Variants in CDYL2 observed in about 807,000 individuals in gnomAD.
The protein encoded by CDYL2 is chromodomain Y-like protein 2.
In CDYL2, 23 loss-of-function variants were observed where a neutral mutation model predicts 49.4. That is an observed-to-expected ratio of 0.47 (90% CI 0.34 to 0.66). The LOEUF is 0.66. CDYL2 is among the 30% of genes least tolerant of loss of function. The pLI is 0.01. For missense variants in CDYL2, 678 were observed against 656.4 expected, an observed-to-expected ratio of 1.03 and a Z score of -0.36; for synonymous variants, 360 against 268.8, an observed-to-expected ratio of 1.34 and a Z score of -3.32.
rs1354028759 is a variant in CDYL2 at position 80,602,969 on chromosome 16, A to T, written c.*1419T>A. 1.3e-5 allele frequency: 2 copies of T among 152,196 alleles called. No individual in the cohort carries two copies. Among genetic ancestry groups the T allele is most frequent in the East Asian group, 3.9e-4 (2 of 5,192 alleles). 9.4% of individuals were successfully genotyped at this position (152,196 alleles called of 1,614,324 possible). On this transcript the variant is annotated 3_prime_UTR_variant, in exon 7 of 7. Coordinates refer to ENST00000570137, the MANE Select transcript of CDYL2 (RefSeq NM_152342.4). The stretch of plus-strand genomic sequence containing the variant: ...CCCCAATCCCTCCTTCTCTGTAGTT[A>T]ATCCAGGGACTTGAATCTGATGGTC...
intron 4 of CDYL2, among the ~76,000 whole-genome samples, chr16:80,618,188 C>T (rs77393685): frequency 1.3e-5 from 2 of 152,218 alleles, no homozygotes; most frequent in South Asian, 2.1e-4. Context: ...CTCACTTGCC[C>T]GCTGAGATGG....
At chr16:80,640,628 A>G (rs1445489663) in intron 2 of CDYL2, among the ~76,000 whole-genome samples, 6 of 152,206 alleles carry the variant, frequency 3.9e-5, no homozygotes, top group Non-Finnish European at 5.9e-5. Flanking sequence ...CCCTGGAGCA[A>G]GGGAGATATG....
chr16:80,784,548 G>A (rs1331461387), intron 1 of CDYL2, among the ~76,000 whole-genome samples: 1 of 152,078 alleles, frequency 6.6e-6, no homozygotes, highest in Non-Finnish European at 1.5e-5. Context: ...AAACCAGAAG[G>A]GGAAATGGTT....
intron 1 of CDYL2, among the ~76,000 whole-genome samples, chr16:80,686,657 T>G (rs1374251025): frequency 6.6e-6 from 1 of 152,254 alleles, no homozygotes; most frequent in Non-Finnish European, 1.5e-5. Context: ...ATTTTAATCC[T>G]AAAAAGTGAA....
intron 1 of CDYL2, among the ~76,000 whole-genome samples, chr16:80,725,750 C>T (rs766372458): frequency 6.6e-6 from 1 of 152,244 alleles, no homozygotes; most frequent in Non-Finnish European, 1.5e-5. Flanking sequence ...CAGCCAACCA[C>T]AGTGTGAGTA....
chr16:80,784,857 A>G (rs1227952279), intron 1 of CDYL2, among the ~76,000 whole-genome samples: 4 of 152,206 alleles, frequency 2.6e-5, no homozygotes, highest in Non-Finnish European at 2.9e-5. Context: ...TCTGGGGGTC[A>G]GGGAGGCATC....
chr16:80,772,015 A>C (rs1208215378), intron 1 of CDYL2, among the ~76,000 whole-genome samples: 3 of 152,170 alleles, frequency 2.0e-5, no homozygotes, highest in Non-Finnish European at 2.9e-5. Flanking sequence ...CCCTAAACTG[A>C]TGGAAAATAT....
intron 2 of CDYL2, among the ~76,000 whole-genome samples, chr16:80,647,169 A>G (rs189775409): frequency 1.3e-5 from 2 of 152,320 alleles, no homozygotes; most frequent in East Asian, 3.9e-4. Context: ...AAATATCTCT[A>G]CAATAAAAAC....
chr16:80,643,139 A>G (rs548578429), intron 2 of CDYL2, among the ~76,000 whole-genome samples: 2 of 152,302 alleles, frequency 1.3e-5, no homozygotes, highest in East Asian at 3.9e-4. Context: ...GCTATTCCAA[A>G]TGGGAGAAAT....
At position 80,655,582 on chromosome 16, in the gene CDYL2, G is replaced by A. The variant is rs554387979; in HGVS notation, c.617-22346C>T. 2.6e-5 allele frequency among the ~76,000 whole-genome samples: 4 copies of A among 152,244 alleles called. 1 individual carries two copies. Among genetic ancestry groups the A allele is most frequent in the African/African-American group, 9.6e-5 (4 of 41,540 alleles). Reference sequence around the variant, plus strand: ...AGGGTGGAGAAGCACCCGAAGAGACGAGGGCCCTGAGGCCATCTTACCAAA... The same window carrying A: ...AGGGTGGAGAAGCACCCGAAGAGACAAGGGCCCTGAGGCCATCTTACCAAA... On this transcript the variant is annotated intron_variant, in intron 2 of 6. Transcript: ENST00000570137.
chr16:80,725,167 A>AACACAT (rs112801144), intron 1 of CDYL2, among the ~76,000 whole-genome samples: 10,713 of 151,256 alleles, frequency 0.071, 441 homozygotes, highest in African/African-American at 0.11. Context: ...ACACCTGTGC[A>AACACAT]ACACATACAC....
chr16:80,654,882 T>A (rs1908738733), intron 2 of CDYL2, among the ~76,000 whole-genome samples: 1 of 152,142 alleles, frequency 6.6e-6, no homozygotes, highest in South Asian at 2.1e-4. Flanking sequence ...TAAACACGAG[T>A]GTCTAATTAC....
At chr16:80,765,313 C>T (rs992570606) in intron 1 of CDYL2, among the ~76,000 whole-genome samples, 5 of 151,390 alleles carry the variant, frequency 3.3e-5, no homozygotes, top group Non-Finnish European at 7.4e-5. Context: ...TGACAGAACA[C>T]CTGTAAGTTT....
In CDYL2 at chr16:80,612,414, T is replaced by A. The variant is rs116606365; in HGVS notation, c.1218+212A>T. Among the ~76,000 whole-genome samples the A allele has an allele frequency of 0.021, 3,220 of 152,242 alleles. 109 individuals are homozygous for A. Among genetic ancestry groups the A allele is most frequent in the African/African-American group, 0.073 (3,013 of 41,530 alleles). ...GGAGTGAGGAATAATTGAGACGCCATGCAGAGTGCATGGTCCATACACTGA... is the reference window on the plus strand; with the variant it reads ...GGAGTGAGGAATAATTGAGACGCCAAGCAGAGTGCATGGTCCATACACTGA... On this transcript the variant is annotated intron_variant, in intron 5 of 6. Transcript: ENST00000570137. This position sits in a 1 kb window ranked among gnomAD's most constrained non-coding sequence, Gnocchi z 5.0.
intron 1 of CDYL2, among the ~76,000 whole-genome samples, chr16:80,724,330 G>A (rs1275299980): frequency 6.6e-6 from 1 of 151,878 alleles, no homozygotes; most frequent in African/African-American, 2.4e-5. Flanking sequence ...AAGAGGAAGA[G>A]GAGGAGGAGG....
intron 1 of CDYL2, among the ~76,000 whole-genome samples, chr16:80,782,043 G>T (rs1401988656): frequency 4.0e-5 from 6 of 151,444 alleles, no homozygotes; most frequent in African/African-American, 1.2e-4. Context: ...AAATAATAAA[G>T]ATTAGCATAA....
At chr16:80,742,346 G>C (rs1905767348) in intron 1 of CDYL2, 1 of 152,218 alleles carries the variant, frequency 6.6e-6, no homozygotes, top group Admixed American at 6.5e-5. Flanking sequence ...ATGGATGGAT[G>C]GACTGACAAA....
At chr16:80,624,303 G>C (rs1020166401) in intron 3 of CDYL2, among the ~76,000 whole-genome samples, 1 of 152,110 alleles carries the variant, frequency 6.6e-6, no homozygotes, top group African/African-American at 2.4e-5. Flanking sequence ...AGCCACTCCA[G>C]CAAATAATTT....
Position 80,684,975 on chromosome 16 carries a change from A to G in CDYL2, c.179T>C (p.Met60Thr). Residue 60 changes from methionine (M) to threonine (T), a missense_variant, in exon 2 of 7, where the codon ATG becomes ACG. Met to Thr is a moderately conservative substitution (Grantham distance 81). Transcript: ENST00000570137. The stretch of plus-strand genomic sequence containing the variant: ...TGACTTGATCCTCTTGTCCTTGGAC[A>G]TGTGCAACCCATTGAATTCATCAAT... ...EFIDEFNGLH[M>T]SKDKRIKSGK... 1.9e-6 allele frequency: 3 copies of G among 1,614,162 alleles called. No individual in the cohort carries two copies. The highest frequency in any genetic ancestry group is 2.5e-6 in the Non-Finnish European group (3 of 1,180,034).
Sources: allele counts gnomAD v4.1 joint callset (sites outside exome capture counted in the v4.1 genomes callset), GRCh38; gene constraint gnomAD v4.1.1; non-coding constraint Gnocchi (gnomAD v3.1); transcripts MANE v1.5; gene names NCBI Gene and HGNC (gene_info 2026-07-23, HGNC 2026-07-21).